Variants in CCDC73 observed in about 807,000 individuals in gnomAD.
CCDC73 encodes coiled-coil domain containing 73, also known as coiled-coil domain-containing protein 73.
A neutral mutation model predicts 116.5 loss-of-function variants in CCDC73; 95 were observed. The observed-to-expected ratio is 0.82, with a 90% confidence interval of 0.69 to 0.97. CCDC73 has a LOEUF of 0.97. Among genes scored for constraint, CCDC73 ranks in the 50% least tolerant of loss-of-function variants. The pLI is 0.00. For missense variants in CCDC73, 1,066 were observed against 1,206.8 expected (o/e 0.88, Z 1.73); for synonymous variants, 398 against 401.3 (o/e 0.99, Z 0.10).
At chr11:32,741,403 C>T (rs1315355627) in intron 2 of CCDC73, among the ~76,000 whole-genome samples, 1 of 152,058 alleles carries the variant, frequency 6.6e-6, no homozygotes, top group African/African-American at 2.4e-5. Flanking sequence ...TCTGACTTGA[C>T]CCCTTTATCA....
chr11:32,616,134 T>C lies in CCDC73; in HGVS notation c.1186-5A>G, dbSNP rs1240803214. On this transcript the variant is annotated splice_polypyrimidine_tract_variant and splice_region_variant and intron_variant, in intron 14 of 17. Transcript: ENST00000335185. ...ATTATTTACTTCTGGAACATTCTAG[T>C]GTAAAATGGAAGAGATTCTTTTAAA... 6.4e-7 allele frequency: 1 copy of C among 1,558,698 alleles called. No homozygotes were observed.
intron 2 of CCDC73, among the ~76,000 whole-genome samples, chr11:32,749,585 C>T (rs1237911583): frequency 6.6e-6 from 1 of 151,926 alleles, no homozygotes; most frequent in Non-Finnish European, 1.5e-5. Context: ...TGTGAGTGTT[C>T]GTCAGTGTCT....
intron 2 of CCDC73, among the ~76,000 whole-genome samples, chr11:32,728,491 G>C (rs1274434522): frequency 6.6e-6 from 1 of 151,828 alleles, no homozygotes; most frequent in Admixed American, 6.6e-5. Context: ...CATGTCTCCT[G>C]GTTCCTTTTA....
At chr11:32,770,684 A>AAATG (rs148897343) in intron 1 of CCDC73, among the ~76,000 whole-genome samples, 2,340 of 152,324 alleles carry the variant, frequency 0.015, 48 homozygotes, top group African/African-American at 0.054. Flanking sequence ...GAAAGATAGA[A>AAATG]AATGTACCTA....
intron 12 of CCDC73, among the ~76,000 whole-genome samples, chr11:32,644,856 T>C (rs1233513299): frequency 6.6e-6 from 1 of 152,206 alleles, no homozygotes; most frequent in Non-Finnish European, 1.5e-5. Flanking sequence ...ACACTGTATG[T>C]AGCCTTTTGA....
intron 9 of CCDC73, among the ~76,000 whole-genome samples, chr11:32,661,306 T>G (rs1855921042): frequency 6.6e-6 from 1 of 152,060 alleles, no homozygotes; most frequent in African/African-American, 2.4e-5. Context: ...GAATCGACAA[T>G]TTTTTTTATT....
At chr11:32,654,338 T>G (rs981844780) in intron 10 of CCDC73, among the ~76,000 whole-genome samples, 2 of 152,210 alleles carry the variant, frequency 1.3e-5, no homozygotes, top group African/African-American at 2.4e-5. Flanking sequence ...TACGCACAGC[T>G]AATTTTTGTA....
In CCDC73 at chr11:32,711,964, T is replaced by C. The variant is rs192324876; in HGVS notation, c.207+6112A>G. 3.5e-3 allele frequency among the ~76,000 whole-genome samples: 533 copies of C among 152,274 alleles called. 1 individual carries two copies. Among genetic ancestry groups the C allele is most frequent in the African/African-American group, 0.012 (505 of 41,564 alleles). On this transcript the variant is annotated intron_variant, in intron 3 of 17. Coordinates refer to ENST00000335185, the MANE Select transcript of CCDC73 (RefSeq NM_001008391.4). Reference sequence around the variant, plus strand: ...AGCCAGCTCCTTATCAAGGGCAGTATTAGCAGCTGTCAAACTAGTAGAGGC... The same window carrying C: ...AGCCAGCTCCTTATCAAGGGCAGTACTAGCAGCTGTCAAACTAGTAGAGGC...
chr11:32,776,936 AAT>A (rs1169476616), intron 1 of CCDC73, among the ~76,000 whole-genome samples: 446 of 36,450 alleles, frequency 0.012, 3 homozygotes, highest in African/African-American at 0.031. Context: ...AAAAAAAAAA[AAT>A]ATATATATAT....
At chr11:32,624,983 A>G (rs1316230931) in intron 14 of CCDC73, among the ~76,000 whole-genome samples, 2 of 152,252 alleles carry the variant, frequency 1.3e-5, no homozygotes, top group African/African-American at 4.8e-5. Context: ...TTAAACAATG[A>G]GAACAGTTGG....
chr11:32,743,577 T>C (rs1850208554), intron 2 of CCDC73, among the ~76,000 whole-genome samples: 1 of 152,230 alleles, frequency 6.6e-6, no homozygotes, highest in Admixed American at 6.5e-5. Context: ...TCCTCTCTTA[T>C]TTCCTTGAAC....
At chr11:32,770,885 A>G (rs1850487854) in intron 1 of CCDC73, among the ~76,000 whole-genome samples, 1 of 152,226 alleles carries the variant, frequency 6.6e-6, no homozygotes, top group Non-Finnish European at 1.5e-5. Flanking sequence ...GGAAAATAAA[A>G]TCGTTTAACA....
At chr11:32,608,189 C>T (rs1273176961) in intron 17 of CCDC73, among the ~76,000 whole-genome samples, 2 of 152,160 alleles carry the variant, frequency 1.3e-5, no homozygotes, top group Admixed American at 6.6e-5. Context: ...CAAAACCAAT[C>T]ATGCCTTCCC....
rs1283472446 is a variant in CCDC73, at chr11:32,629,434, A to G, written c.1185+6262T>C. On this transcript the variant is annotated intron_variant, in intron 14 of 17. Transcript: ENST00000335185. ...ATAAAGACACTTTTTTTTTTTTTTG[A>G]GGCGGAGTTTGCCCAGGCTGGAGTG... is the stretch of plus-strand genomic sequence containing the variant. Among the ~76,000 whole-genome samples, 3 of 131,904 alleles carry G rather than the reference A, an allele frequency of 2.3e-5. No individual in the cohort carries two copies. The East Asian group carries it at 6.0e-4, about 26-fold the overall frequency. 86.5% of individuals were successfully genotyped at this position (131,904 alleles called of 152,430 possible).
At chr11:32,698,313 C>A (rs953395862) in intron 6 of CCDC73, among the ~76,000 whole-genome samples, 4 of 152,118 alleles carry the variant, frequency 2.6e-5, no homozygotes, top group African/African-American at 9.7e-5. Flanking sequence ...CATGAGCCAC[C>A]ACGCCCAGCC....
At chr11:32,734,472 AG>A (rs1217413002) in intron 2 of CCDC73, among the ~76,000 whole-genome samples, 5 of 142,290 alleles carry the variant, frequency 3.5e-5, no homozygotes, top group African/African-American at 1.3e-4. Context: ...TTTCTTGCAC[AG>A]GGGGATTTGG....
rs536576191 is a variant in CCDC73 at position 32,612,332 on chromosome 11, TAA to T, written c.2897-1069_2897-1068del. Among the ~76,000 whole-genome samples the T allele has an allele frequency of 3.1e-3, 468 of 152,088 alleles. 2 individuals carry two copies. The highest frequency in any genetic ancestry group is 0.011 in the African/African-American group (453 of 41,510). Reference sequence around the variant, plus strand: ...AAAAGAAAACATGCTGTCCCAAAAATAAAAACAATTAAAAAACCATTTTCCTC... The same window carrying T: ...AAAAGAAAACATGCTGTCCCAAAAATAAACAATTAAAAAACCATTTTCCTC... On this transcript the variant is annotated intron_variant, in intron 16 of 17. Transcript: ENST00000335185.
chr11:32,815,891 G>A, the CCDC73 span, among the ~76,000 whole-genome samples: 13 of 152,184 alleles, frequency 8.5e-5, 1 homozygote, highest in East Asian at 1.9e-3. Context: ...TTTTATACAC[G>A]CTATCCTTTC....
chr11:32,742,371 C>A (rs903509443), intron 2 of CCDC73, among the ~76,000 whole-genome samples: 2 of 152,216 alleles, frequency 1.3e-5, no homozygotes, highest in African/African-American at 4.8e-5. Context: ...GATGGTATCT[C>A]ACTGTGGCTT....
Sources: gnomAD v4.1 joint callset for allele counts (sites outside exome capture counted in the v4.1 genomes callset) on GRCh38, gnomAD v4.1.1 for gene constraint, MANE v1.5 for transcripts, NCBI Gene and HGNC (gene_info 2026-07-23, HGNC 2026-07-21) for gene names.